Variants in IGF2R observed in about 807,000 individuals in gnomAD.
The protein encoded by IGF2R is cation-independent mannose-6-phosphate receptor.
IGF2R carries 91 observed loss-of-function variants against 270.6 expected under a neutral mutation model. That is an observed-to-expected ratio of 0.34 (90% CI 0.28 to 0.40). The LOEUF (loss-of-function observed/expected upper bound fraction) is 0.40. Ranked by LOEUF, IGF2R falls within the 10% of genes least tolerant of loss-of-function variation. The pLI, the probability that IGF2R is intolerant of heterozygous loss-of-function variation, is 1.00. For missense variants in IGF2R, 2,805 were observed against 3,188.3 expected (o/e 0.88, Z 2.90); for synonymous variants, 1,316 against 1,258.9 (o/e 1.05, Z -0.96).
chr6:160,058,883 G>T, intron 21 of IGF2R, 23 bp from the exon 22 acceptor site: 1 of 1,608,368 alleles, frequency 6.2e-7, no homozygotes, highest in South Asian at 1.1e-5. Flanking sequence ...TTGTTTGTAT[G>T]GCTCTTACCG....
intron 26 of IGF2R, among the ~76,000 whole-genome samples, chr6:160,063,025 C>G (rs1778475254): frequency 7.1e-6 from 1 of 140,556 alleles, no homozygotes; most frequent in Admixed American, 7.1e-5. Flanking sequence ...TTTACCTAAC[C>G]AAAAATTGTA....
At chr6:160,028,001 G>T (rs2115227533) in intron 6 of IGF2R, among the ~76,000 whole-genome samples, 1 of 152,262 alleles carries the variant, frequency 6.6e-6, no homozygotes, top group Non-Finnish European at 1.5e-5. Flanking sequence ...TCTGTCCAAA[G>T]AAAAAACTTG....
intron 1 of IGF2R, among the ~76,000 whole-genome samples, chr6:159,980,211 GAAAGA>G (rs1554234626): frequency 3.8e-5 from 3 of 78,400 alleles, no homozygotes; most frequent in African/African-American, 1.4e-4. Flanking sequence ...AAGAAAGAAA[GAAAGA>G]AAGAAAGAAA....
Position 160,089,227 on chromosome 6 carries a change from C to G in IGF2R, c.6441C>G (p.Ser2147Arg). 1 of 1,610,454 alleles carries G rather than the reference C, an allele frequency of 6.2e-7. No homozygotes were observed. The highest frequency in any genetic ancestry group is 8.5e-7 in the Non-Finnish European group (1 of 1,177,360). ...GTITNPINGK[S>R]FSLGDIYFKL... Reference sequence around the variant, plus strand: ...TCACCAACCCTATAAATGGCAAGAGCTTCAGCCTCGGAGATATTTATTTTA... The same window carrying G: ...TCACCAACCCTATAAATGGCAAGAGGTTCAGCCTCGGAGATATTTATTTTA... Residue 2147 changes from serine to arginine, a missense_variant, in exon 43 of 48, where the codon AGC (serine) becomes AGG (arginine). Coordinates refer to ENST00000356956, the MANE Select transcript of IGF2R (RefSeq NM_000876.4).
chr6:160,098,408 A>G (rs1779412021), intron 45 of IGF2R, among the ~76,000 whole-genome samples: 1 of 152,202 alleles, frequency 6.6e-6, no homozygotes, highest in Non-Finnish European at 1.5e-5. Flanking sequence ...AGTTGAAACC[A>G]AGAGCAAAAA....
Position 160,084,247 on chromosome 6 carries a change from G to A in IGF2R, c.6068+63G>A. On this transcript the variant is annotated intron_variant, in intron 40 of 47. Transcript: ENST00000356956. This position sits in a 1 kb window ranked among gnomAD's most constrained non-coding sequence, Gnocchi z 4.6. ...TCAGCATGTGAACTTCAGACTGCTT[G>A]ACGATGGTTGGCTCTTTTGGGTTCT... The A allele has an allele frequency of 1.0e-6, 1 of 985,792 alleles. No individual in the cohort carries two copies. Among genetic ancestry groups the A allele is most frequent in the Non-Finnish European group, 1.6e-6 (1 of 623,382 alleles). 61.1% of individuals were successfully genotyped at this position (985,792 alleles called of 1,614,324 possible).
At chr6:160,053,937 T>C (rs1232701904) in intron 19 of IGF2R, among the ~76,000 whole-genome samples, 1 of 152,170 alleles carries the variant, frequency 6.6e-6, no homozygotes, top group Non-Finnish European at 1.5e-5. Context: ...AAGCTGGTCT[T>C]AGAACTCCTA....
intron 23 of IGF2R, 149 bp downstream of exon 23, chr6:160,060,866 A>G (rs1293765602): frequency 1.2e-5 from 8 of 683,020 alleles, no homozygotes; most frequent in African/African-American, 1.8e-5. Flanking sequence ...TTTCTGTTAT[A>G]TATTCTCTTT....
intron 4 of IGF2R, among the ~76,000 whole-genome samples, chr6:160,013,437 G>A (rs1466063597): frequency 1.3e-5 from 2 of 149,450 alleles, no homozygotes; most frequent in South Asian, 4.2e-4. Flanking sequence ...AAAAAAAGGT[G>A]CTGATCTGTG....
rs1299192912 is a variant in IGF2R at position 160,064,859 on chromosome 6, A to C, written c.4073A>C (p.Gln1358Pro). 1 of 1,613,766 alleles carries C rather than the reference A, an allele frequency of 6.2e-7. No individual in the cohort carries two copies. Among genetic ancestry groups the C allele is most frequent in the Non-Finnish European group, 8.5e-7 (1 of 1,179,600 alleles). ...DCSYLFEWRTQYACPPFDLTE... is the reference protein window; with the variant it reads ...DCSYLFEWRTPYACPPFDLTE... The stretch of plus-strand genomic sequence containing the variant: ...TCCTACTTGTTTGAGTGGCGAACGC[A>C]GTATGCCTGCCCACCTTTCGATCTG... The change falls in exon 29 of 48, where the codon CAG becomes CCG. Residue 1358 changes from glutamine to proline, a missense_variant. Physicochemically the swap from Gln to Pro is moderately conservative, Grantham distance 76. Around this residue, in one of 2 missense-constraint regions of IGF2R, gnomAD observed 1,851 missense variants for 2,207.2 expected, o/e 0.84. Coordinates refer to ENST00000356956, the MANE Select transcript of IGF2R (RefSeq NM_000876.4).
chr6:160,059,279 C>T (rs1429728301), intron 22 of IGF2R, among the ~76,000 whole-genome samples, 181 bp downstream of exon 22: 2 of 151,670 alleles, frequency 1.3e-5, no homozygotes, highest in Non-Finnish European at 2.9e-5. Flanking sequence ...ATACAGGGGT[C>T]CCGTTATCCG....
Position 160,083,930 on chromosome 6 carries a change from C to A in IGF2R, c.5834-20C>A. The A allele has an allele frequency of 6.5e-7, 1 of 1,549,170 alleles. No individual in the cohort carries two copies. The highest frequency in any genetic ancestry group is 8.9e-7 in the Non-Finnish European group (1 of 1,120,854). ...CACAGTGACAGTCTGATCTCTCTCT[C>A]TTTTCCCTACACTCCCCAGCAAACA... On this transcript the variant is annotated intron_variant, in intron 39 of 47. Coordinates refer to ENST00000356956, the MANE Select transcript of IGF2R (RefSeq NM_000876.4).
chr6:160,021,500 G>A (rs1434389652), intron 4 of IGF2R, among the ~76,000 whole-genome samples: 3 of 149,506 alleles, frequency 2.0e-5, no homozygotes, highest in Non-Finnish European at 4.4e-5. Context: ...GCTAAATGAC[G>A]AGTTAATGGG....
chr6:160,044,240 A>G (rs1425255485), intron 12 of IGF2R, among the ~76,000 whole-genome samples: 2 of 152,216 alleles, frequency 1.3e-5, no homozygotes, highest in African/African-American at 4.8e-5. Flanking sequence ...CTGGAAGGGC[A>G]TTGTGCATCC....
chr6:160,084,769 A>AT lies in IGF2R; in HGVS notation c.6069-224dup, dbSNP rs905253373. On this transcript the variant is annotated intron_variant, in intron 40 of 47. Transcript: ENST00000356956. This position sits in a 1 kb window ranked among gnomAD's most constrained non-coding sequence, Gnocchi z 4.6. Reference sequence around the variant, plus strand: ...GTCCAGGGTGGCCGCAGGTGTGGACATTCCACTCCGCGTGTGTCTGGTTGG... The same window carrying AT: ...GTCCAGGGTGGCCGCAGGTGTGGACATTTCCACTCCGCGTGTGTCTGGTTGG... 2.6e-5 allele frequency among the ~76,000 whole-genome samples: 4 copies of AT among 151,384 alleles called. No individual in the cohort carries two copies. Among genetic ancestry groups the AT allele is most frequent in the Admixed American group, 2.6e-4 (4 of 15,222 alleles).
chr6:160,010,838 T>C, intron 4 of IGF2R, 53 bp downstream of exon 4: 1 of 1,074,592 alleles, frequency 9.3e-7, no homozygotes, highest in South Asian at 1.3e-5. Flanking sequence ...TGGGGAACTT[T>C]ATCTTTCAAA....
At chr6:160,014,313 C>T (rs1777233394) in intron 4 of IGF2R, among the ~76,000 whole-genome samples, 2 of 152,198 alleles carry the variant, frequency 1.3e-5, no homozygotes, top group African/African-American at 4.8e-5. Flanking sequence ...TGGCAAACAA[C>T]CTCGCTCCCC....
Position 159,998,421 on chromosome 6 carries a change from G to A in IGF2R, c.289+7098G>A, listed in dbSNP as rs556987398. Among the ~76,000 whole-genome samples, 99 of 152,292 alleles carry A rather than the reference G, an allele frequency of 6.5e-4. No homozygotes were observed. Among genetic ancestry groups the A allele is most frequent in the African/African-American group, 2.0e-3 (82 of 41,564 alleles). ...GGACCTTGAAAGCCAGGGAGGAGAA[G>A]AGTTGTTATTTTTTTGTAGGGAGTG... On this transcript the variant is annotated intron_variant, in intron 2 of 47. Transcript: ENST00000356956. The surrounding 1 kb of genome is among the most constrained non-coding windows in gnomAD (Gnocchi z 4.1).
chr6:160,061,787 C>T lies in IGF2R; in HGVS notation c.3441C>T (p.Gly1147=). The T allele has an allele frequency of 6.2e-7, 1 of 1,614,120 alleles. No individual in the cohort carries two copies. The highest frequency in any genetic ancestry group is 1.1e-5 in the South Asian group (1 of 91,082). ...TGGGGTCTTGCTTAGTGTCAGAAGG[C>T]AATAGCTGGAATCTGGGTGTGGTGC... is the stretch of plus-strand genomic sequence containing the variant. ...SAVGSCLVSE[G]NSWNLGVVQM... The change falls in exon 25 of 48, where the codon GGC becomes GGT. Residue 1147 remains glycine, a synonymous_variant. Coordinates refer to ENST00000356956, the MANE Select transcript of IGF2R (RefSeq NM_000876.4).
Sources: gnomAD v4.1 joint callset for allele counts (sites outside exome capture counted in the v4.1 genomes callset) on GRCh38, gnomAD v4.1.1 for gene constraint, gnomAD v4.1.1 regional missense constraint, Gnocchi (gnomAD v3.1) non-coding constraint, MANE v1.5 for transcripts, NCBI Gene and HGNC (gene_info 2026-07-23, HGNC 2026-07-21) for gene names.